NCKAP5: variants seen among roughly 807,000 people sequenced by gnomAD.
NCKAP5 encodes the protein nck-associated protein 5.
Under a neutral mutation model 167.0 loss-of-function variants are expected in NCKAP5, and 92 were observed. The ratio of observed to expected loss-of-function variants is 0.55; its 90% confidence interval spans 0.47 to 0.66. The LOEUF (loss-of-function observed/expected upper bound fraction) is 0.66. NCKAP5 is among the 30% of genes least tolerant of loss of function. The pLI is 0.00. For synonymous variants in NCKAP5, 891 were observed against 877.4 expected (o/e 1.02, Z -0.27); for missense variants, 2,378 against 2,315.0 (o/e 1.03, Z -0.56).
intron 3 of NCKAP5, among the ~76,000 whole-genome samples, chr2:133,435,102 G>C (rs1574950012): frequency 6.6e-6 from 1 of 152,184 alleles, no homozygotes; most frequent in African/African-American, 2.4e-5. Flanking sequence ...ATCTGGGATA[G>C]GTCAAGATTA....
intron 11 of NCKAP5, among the ~76,000 whole-genome samples, chr2:132,828,355 G>A (rs1455860142): frequency 1.3e-5 from 2 of 152,082 alleles, no homozygotes; most frequent in African/African-American, 4.8e-5. Flanking sequence ...TTGGATCAAG[G>A]GGGTGGATTT....
intron 11 of NCKAP5, among the ~76,000 whole-genome samples, chr2:132,821,495 C>A (rs1239317066): frequency 6.6e-6 from 1 of 152,188 alleles, no homozygotes; most frequent in Non-Finnish European, 1.5e-5. Context: ...AAACTCTCAA[C>A]TGAAATTGGT....
In NCKAP5 at chr2:133,308,689, CTTTTTTTTTTTTTTTTTTT is replaced by C. The variant is rs35760716; in HGVS notation, c.70-5598_70-5580del. On this transcript the variant is annotated intron_variant, in intron 3 of 19. Transcript: ENST00000409261. ...TTTTTTCGTTTGAAGAAATACAATT[CTTTTTTTTTTTTTTTTTTT>C]TTTTTTTTTTTGAGACGGAGTCTTG... is the stretch of plus-strand genomic sequence containing the variant. 1.0e-4 allele frequency among the ~76,000 whole-genome samples: 6 copies of C among 59,254 alleles called. 1 individual carries two copies. Among genetic ancestry groups the C allele is most frequent in the African/African-American group, 3.8e-4 (6 of 15,760 alleles). 38.9% of individuals were successfully genotyped at this position (59,254 alleles called of 152,430 possible). A position where few individuals can be genotyped will look rare whatever the true frequency, so the allele number is the denominator to read the frequency against.
chr2:133,522,719 C>A (rs1055122130), intron 2 of NCKAP5, among the ~76,000 whole-genome samples: 3 of 152,124 alleles, frequency 2.0e-5, no homozygotes, highest in Non-Finnish European at 4.4e-5. Context: ...AGTGAGGTTG[C>A]TTTTTAGCCA....
intron 6 of NCKAP5, among the ~76,000 whole-genome samples, chr2:133,103,655 G>T (rs1220412142): frequency 6.6e-6 from 1 of 152,130 alleles, no homozygotes; most frequent in Non-Finnish European, 1.5e-5. Flanking sequence ...GACTGGGCGT[G>T]GTACTCCAGC....
At chr2:133,667,457 T>A in the NCKAP5 span, among the ~76,000 whole-genome samples, 1 of 152,030 alleles carries the variant, frequency 6.6e-6, no homozygotes, top group African/African-American at 2.4e-5. Flanking sequence ...TCTGGTAGGA[T>A]CATTGCCATA....
At chr2:133,388,328 A>G (rs899315198) in intron 3 of NCKAP5, among the ~76,000 whole-genome samples, 4 of 152,202 alleles carry the variant, frequency 2.6e-5, no homozygotes, top group African/African-American at 9.6e-5. Context: ...TTGCCTGGGT[A>G]TCAGTAGCGG....
chr2:133,403,475 G>C (rs1688227398), intron 3 of NCKAP5, among the ~76,000 whole-genome samples: 1 of 152,162 alleles, frequency 6.6e-6, no homozygotes, highest in Non-Finnish European at 1.5e-5. Context: ...ATGTTTTATT[G>C]AGTTTTGAAA....
intron 6 of NCKAP5, among the ~76,000 whole-genome samples, chr2:133,126,144 T>C (rs1234162771): frequency 6.6e-6 from 1 of 152,206 alleles, no homozygotes; most frequent in African/African-American, 2.4e-5. Context: ...TCCTGACACC[T>C]GAACTCTACT....
rs577106555 is a variant in NCKAP5, at chr2:133,361,439, A to G, written c.70-58329T>C. Among the ~76,000 whole-genome samples, 32 of 152,344 alleles carry G rather than the reference A, an allele frequency of 2.1e-4. 1 individual carries two copies. Among genetic ancestry groups the G allele is most frequent in the Admixed American group, 5.9e-4 (9 of 15,304 alleles). ...TCATGGTTTCACAAAGTCTCAATAA[A>G]TATCTTTAAACTCTTAATCTCATTT... On this transcript the variant is annotated intron_variant, in intron 3 of 19. Transcript: ENST00000409261.
intron 3 of NCKAP5, among the ~76,000 whole-genome samples, chr2:133,513,029 GC>G: frequency 6.6e-6 from 1 of 152,260 alleles, no homozygotes; most frequent in East Asian, 1.9e-4. Flanking sequence ...ACTTGAGGAA[GC>G]CTATCCCCCT....
chr2:132,993,395 T>G (rs1208080433), intron 7 of NCKAP5, among the ~76,000 whole-genome samples: 1 of 152,136 alleles, frequency 6.6e-6, no homozygotes, highest in Non-Finnish European at 1.5e-5. Flanking sequence ...AGATTAGATG[T>G]CCTGCTTCCT....
At chr2:133,014,763 C>T (rs943936869) in intron 6 of NCKAP5, among the ~76,000 whole-genome samples, 13 of 152,242 alleles carry the variant, frequency 8.5e-5, no homozygotes, top group African/African-American at 2.6e-4. Flanking sequence ...TGGCAAATGG[C>T]GGTTTTATAG....
chr2:133,408,298 T>C (rs1484149480), intron 3 of NCKAP5, among the ~76,000 whole-genome samples: 1 of 152,166 alleles, frequency 6.6e-6, no homozygotes, highest in Non-Finnish European at 1.5e-5. Flanking sequence ...ACTGCTTGTA[T>C]AATGGATTTT....
At chr2:133,107,481 T>C (rs1559145382) in intron 6 of NCKAP5, among the ~76,000 whole-genome samples, 1 of 152,246 alleles carries the variant, frequency 6.6e-6, no homozygotes, top group Non-Finnish European at 1.5e-5. Context: ...ATACATGTGT[T>C]AATTTAACGT....
chr2:132,817,445 TAAA>T, intron 11 of NCKAP5, among the ~76,000 whole-genome samples: 1 of 150,766 alleles, frequency 6.6e-6, no homozygotes, highest in African/African-American at 2.4e-5. Context: ...TTACAAGAAA[TAAA>T]AAAAAAAATT....
chr2:133,443,466 C>T (rs1007087039), intron 3 of NCKAP5, among the ~76,000 whole-genome samples: 2 of 152,176 alleles, frequency 1.3e-5, no homozygotes, highest in African/African-American at 4.8e-5. Flanking sequence ...CATTTTCTAC[C>T]TCAGCCCTGG....
chr2:133,097,063 G>A (rs544232309), intron 6 of NCKAP5, among the ~76,000 whole-genome samples: 3 of 152,150 alleles, frequency 2.0e-5, no homozygotes, highest in Non-Finnish European at 4.4e-5. Flanking sequence ...CATTTGGAGC[G>A]AGGCATAGCC....
chr2:132,977,348 A>G (rs1463400652), intron 7 of NCKAP5, among the ~76,000 whole-genome samples: 2 of 152,232 alleles, frequency 1.3e-5, no homozygotes, highest in Non-Finnish European at 2.9e-5. Context: ...CAAAAAACCA[A>G]TAGGATATTT....
Sources: gnomAD v4.1 joint callset for allele counts (sites outside exome capture counted in the v4.1 genomes callset) on GRCh38, gnomAD v4.1.1 for gene constraint, MANE v1.5 for transcripts, NCBI Gene and HGNC (gene_info 2026-07-23, HGNC 2026-07-21) for gene names.